Variants in LRRFIP2 observed in about 807,000 individuals in gnomAD.
LRRFIP2 encodes leucine-rich repeat flightless-interacting protein 2.
A neutral mutation model predicts 125.9 loss-of-function variants in LRRFIP2; 109 were observed. The observed-to-expected ratio is 0.87, with a 90% CI of 0.74 to 1.01. The LOEUF (loss-of-function observed/expected upper bound fraction) is 1.01. Among genes scored for constraint, LRRFIP2 ranks in the 50% least tolerant of loss-of-function variants. LRRFIP2 has a pLI of 0.00. For synonymous variants in LRRFIP2, 291 were observed against 293.1 expected, an observed-to-expected ratio of 0.99 and a Z score of 0.07; for missense variants, 850 against 862.3, an observed-to-expected ratio of 0.99 and a Z score of 0.18.
In LRRFIP2 at chr3:37,094,794, G is replaced by A. The variant is rs546921607; in HGVS notation, c.1033C>T (p.Arg345Trp). Residue 345 changes from arginine to tryptophan, a missense_variant and splice_region_variant, in exon 17 of 28, where the codon CGG (arginine) becomes TGG (tryptophan). Arg to Trp is a moderately radical substitution (Grantham distance 101). Transcript: ENST00000336686. ...GAAAACCAAAAACTTCAGTTTACCC[G>A]CAATTCACTTAATGAAGTGTCTGGA... is the stretch of plus-strand genomic sequence containing the variant. ...IDPDTSLSEL[R>W]DIYDLKDQIQ... 6.2e-6 allele frequency: 10 copies of A among 1,607,498 alleles called. No individual in the cohort carries two copies. The highest frequency in any genetic ancestry group is 2.2e-5 in the South Asian group (2 of 90,804).
chr3:37,055,234 C>T (rs983933002), intron 25 of LRRFIP2, 69 bp from the exon 26 acceptor site: 8 of 910,400 alleles, frequency 8.8e-6, no homozygotes, highest in Non-Finnish European at 1.4e-5. Flanking sequence ...TCAGGCAGTA[C>T]CTCTGTGGCA....
chr3:37,146,938 A>G (rs1192125397), intron 2 of LRRFIP2, among the ~76,000 whole-genome samples: 1 of 152,116 alleles, frequency 6.6e-6, no homozygotes, highest in African/African-American at 2.4e-5. Flanking sequence ...AAGCTACAAA[A>G]TGGGAGAAAA....
At chr3:37,076,709 A>G (rs542786035) in intron 19 of LRRFIP2, among the ~76,000 whole-genome samples, 1 of 151,902 alleles carries the variant, frequency 6.6e-6, no homozygotes, top group African/African-American at 2.4e-5. Context: ...TCTACTAAAA[A>G]TACAAAATTA....
chr3:37,100,002 A>G (rs1041803210), intron 15 of LRRFIP2, among the ~76,000 whole-genome samples: 1 of 151,994 alleles, frequency 6.6e-6, no homozygotes, highest in African/African-American at 2.4e-5. Context: ...GTGGGAGGGG[A>G]GGGAGGTCTA....
chr3:37,147,154 G>A lies in LRRFIP2; in HGVS notation c.90+1740C>T, dbSNP rs770530730. On this transcript the variant is annotated intron_variant, in intron 2 of 27. Transcript: ENST00000336686. Reference sequence around the variant, plus strand: ...GAGAAATGCAAATCAAAACCACAATGAGAAACCATCTCACGCCAGTCAGAA... The same window carrying A: ...GAGAAATGCAAATCAAAACCACAATAAGAAACCATCTCACGCCAGTCAGAA... 2.1e-4 allele frequency among the ~76,000 whole-genome samples: 32 copies of A among 152,262 alleles called. 1 individual carries two copies. Among genetic ancestry groups the A allele is most frequent in the Non-Finnish European group, 3.4e-4 (23 of 68,012 alleles).
intron 21 of LRRFIP2, 117 bp from the exon 22 acceptor site, chr3:37,066,442 A>C: frequency 1.3e-6 from 1 of 795,426 alleles, no homozygotes; most frequent in Admixed American, 1.9e-5. Context: ...GCAAGAAAGC[A>C]GTCAAAAGAT....
At chr3:37,157,665 G>T (rs1478519514) in intron 1 of LRRFIP2, among the ~76,000 whole-genome samples, 1 of 151,942 alleles carries the variant, frequency 6.6e-6, no homozygotes, top group Non-Finnish European at 1.5e-5. Flanking sequence ...AAAACCTACA[G>T]AAAGAATATA....
chr3:37,066,157 G>T, intron 22 of LRRFIP2, 67 bp downstream of exon 22: 1 of 1,439,578 alleles, frequency 6.9e-7, no homozygotes, highest in Non-Finnish European at 9.8e-7. Context: ...AAGATGGCAG[G>T]ATGAAAGGAA....
chr3:37,139,525 C>G (rs2149842528), intron 2 of LRRFIP2, among the ~76,000 whole-genome samples: 1 of 152,260 alleles, frequency 6.6e-6, no homozygotes, highest in East Asian at 1.9e-4. Flanking sequence ...AAGGCATTCG[C>G]TTCACACCCT....
At chr3:37,153,486 CTA>C (rs1461399439) in intron 1 of LRRFIP2, among the ~76,000 whole-genome samples, 8 of 152,172 alleles carry the variant, frequency 5.3e-5, no homozygotes, top group Non-Finnish European at 1.2e-4. Flanking sequence ...ATATGCCATA[CTA>C]CTGAGACACT....
intron 24 of LRRFIP2, 132 bp downstream of exon 24, chr3:37,063,606 TTATC>T: frequency 1.4e-6 from 1 of 707,390 alleles, no homozygotes; most frequent in Non-Finnish European, 2.5e-6. Flanking sequence ...AAAATATGAA[TTATC>T]TATCCTTCAT....
chr3:37,127,804 A>C, intron 3 of LRRFIP2, 124 bp from the exon 4 acceptor site: 1 of 706,998 alleles, frequency 1.4e-6, no homozygotes, highest in Non-Finnish European at 2.5e-6. Flanking sequence ...TTACACATTC[A>C]AAATACAGAA....
intron 4 of LRRFIP2, among the ~76,000 whole-genome samples, chr3:37,123,730 G>T (rs2095165069): frequency 6.6e-6 from 1 of 152,036 alleles, no homozygotes; most frequent in Non-Finnish European, 1.5e-5. Flanking sequence ...AGGTACTAGG[G>T]TAAATACGGT....
chr3:37,168,211 G>C (rs1222954547), intron 1 of LRRFIP2, among the ~76,000 whole-genome samples: 1 of 152,106 alleles, frequency 6.6e-6, no homozygotes, highest in African/African-American at 2.4e-5. Flanking sequence ...ATTGAATGTG[G>C]CACTCAAACA....
Position 37,058,877 on chromosome 3 carries a change from G to T in LRRFIP2, c.1783C>A (p.Arg595=), listed in dbSNP as rs532141908. The T allele has an allele frequency of 1.1e-5, 17 of 1,613,862 alleles. No individual in the cohort carries two copies. Among genetic ancestry groups the T allele is most frequent in the Non-Finnish European group, 1.4e-5 (16 of 1,179,924 alleles). ...CCATCATTCCTGGAGCATTTCTGTCGTTCCTCCTCTAACTGAAGCTTCAGT... is the reference window on the plus strand; with the variant it reads ...CCATCATTCCTGGAGCATTTCTGTCTTTCCTCCTCTAACTGAAGCTTCAGT... The part of the protein sequence containing the change: ...RKLKLQLEEE[R]QKCSRNDGTV... Residue 595 remains arginine (R), a synonymous_variant, in exon 25 of 28, where the codon CGA becomes AGA. Coordinates refer to ENST00000336686, the MANE Select transcript of LRRFIP2 (RefSeq NM_006309.4).
intron 2 of LRRFIP2, among the ~76,000 whole-genome samples, chr3:37,145,922 C>A (rs1040023558): frequency 2.0e-5 from 3 of 152,100 alleles, no homozygotes; most frequent in Admixed American, 1.3e-4. Flanking sequence ...CTGCAAAATG[C>A]AGATAAAAAA....
At chr3:37,135,731 C>T (rs1436992483) in intron 2 of LRRFIP2, among the ~76,000 whole-genome samples, 2 of 151,974 alleles carry the variant, frequency 1.3e-5, no homozygotes, top group Non-Finnish European at 2.9e-5. Flanking sequence ...TAAATTAAAA[C>T]CATATTGAGA....
intron 2 of LRRFIP2, among the ~76,000 whole-genome samples, chr3:37,140,040 A>AT (rs1488096095): frequency 4.6e-5 from 7 of 152,152 alleles, no homozygotes; most frequent in Admixed American, 2.0e-4. Flanking sequence ...CAATATCACT[A>AT]AACACATATT....
rs114560183 is a variant in LRRFIP2 at position 37,168,768 on chromosome 3, T to C, written c.-56+5771A>G. Reference sequence around the variant, plus strand: ...ATAAGATTATAATGGAGCTGTCCTATACACGTGTGCCCTTTTAAGAGATGG... The same window carrying C: ...ATAAGATTATAATGGAGCTGTCCTACACACGTGTGCCCTTTTAAGAGATGG... On this transcript the variant is annotated intron_variant, in intron 1 of 27. Transcript: ENST00000336686. 6.5e-3 allele frequency among the ~76,000 whole-genome samples: 984 copies of C among 152,328 alleles called. 10 individuals are homozygous for C. The highest frequency in any genetic ancestry group is 0.022 in the African/African-American group (930 of 41,576).
Sources: allele counts gnomAD v4.1 joint callset (sites outside exome capture counted in the v4.1 genomes callset), GRCh38; gene constraint gnomAD v4.1.1; transcripts MANE v1.5; gene names NCBI Gene and HGNC (gene_info 2026-07-23, HGNC 2026-07-21).